The following CSMD3 variants were observed in gnomAD, a reference collection of about 807,000 sequenced individuals.
CSMD3 encodes CUB and sushi domain-containing protein 3.
CSMD3 carries 177 observed loss-of-function variants against 435.2 expected under a neutral mutation model. The ratio of observed to expected loss-of-function variants is 0.41; its 90% confidence interval spans 0.36 to 0.46. The LOEUF (loss-of-function observed/expected upper bound fraction) is 0.46. CSMD3 is among the 20% of genes least tolerant of loss of function. The pLI is 0.34. For synonymous variants in CSMD3, 1,656 were observed against 1,520.5 expected, an observed-to-expected ratio of 1.09 and a Z score of -2.07; for missense variants, 4,265 against 4,504.6, an observed-to-expected ratio of 0.95 and a Z score of 1.52.
At chr8:112,627,925 C>T (rs975024795) in intron 22 of CSMD3, among the ~76,000 whole-genome samples, 1 of 152,142 alleles carries the variant, frequency 6.6e-6, no homozygotes, top group Non-Finnish European at 1.5e-5. Context: ...AAAGGACTTA[C>T]AGGTATCAAG....
Position 112,326,968 on chromosome 8 carries a change from G to A in CSMD3, c.7166-6987C>T, listed in dbSNP as rs1432948271. On this transcript the variant is annotated intron_variant, in intron 45 of 70. Coordinates refer to ENST00000297405, the MANE Select transcript of CSMD3 (RefSeq NM_198123.2). ...ACTCAGGAGACAGAGGTTGCAGTCAGCTGAGCTTGTGCCGCTGCACTCCAG... is the reference window on the plus strand; with the variant it reads ...ACTCAGGAGACAGAGGTTGCAGTCAACTGAGCTTGTGCCGCTGCACTCCAG... Among the ~76,000 whole-genome samples, 3 of 152,258 alleles carry A rather than the reference G, an allele frequency of 2.0e-5. 1 individual carries two copies. In the South Asian group the frequency reaches 6.2e-4, roughly 32 times the overall value.
intron 27 of CSMD3, among the ~76,000 whole-genome samples, chr8:112,539,985 T>A (rs1248390373): frequency 6.6e-6 from 1 of 151,934 alleles, no homozygotes; most frequent in Non-Finnish European, 1.5e-5. Flanking sequence ...GGAGAAAATA[T>A]TTGCTAACTG....
In CSMD3 at chr8:112,791,319, G is replaced by GGAAAAAAAAAAAAA. The variant is rs56289713; in HGVS notation, c.1972+8842_1972+8843insTTTTTTTTTTTTTC. Among the ~76,000 whole-genome samples the GGAAAAAAAAAAAAA allele has an allele frequency of 1.1e-4, 11 of 103,182 alleles. 5 individuals are homozygous for GGAAAAAAAAAAAAA. The highest frequency in any genetic ancestry group is 2.3e-4 in the African/African-American group (6 of 25,788). The allele number at this position is 103,182 out of a possible 152,430, so 67.7% of individuals were successfully genotyped here. On this transcript the variant is annotated intron_variant, in intron 13 of 70. Transcript: ENST00000297405. The stretch of plus-strand genomic sequence containing the variant: ...CCTGGGTGACAGAGGCATATCCTGT[G>GGAAAAAAAAAAAAA]AAAAAAAAAAAAAAAAAAAAAGGAA...
At chr8:112,816,481 G>A (rs1056180679) in intron 12 of CSMD3, among the ~76,000 whole-genome samples, 2 of 151,818 alleles carry the variant, frequency 1.3e-5, no homozygotes, top group South Asian at 2.1e-4. Flanking sequence ...ATCACCTTTC[G>A]CCATATTTAG....
intron 32 of CSMD3, among the ~76,000 whole-genome samples, chr8:112,448,226 T>C (rs564355761): frequency 2.0e-5 from 3 of 152,300 alleles, no homozygotes; most frequent in African/African-American, 7.2e-5. Flanking sequence ...CATTGATGCC[T>C]CTTCCTCTTT....
chr8:112,931,921 C>A (rs921038238), intron 9 of CSMD3, among the ~76,000 whole-genome samples: 2 of 152,116 alleles, frequency 1.3e-5, no homozygotes, highest in Non-Finnish European at 2.9e-5. Context: ...GTTAGAAGGG[C>A]TATTACCATA....
At chr8:113,355,129 C>T (rs953491857) in intron 1 of CSMD3, among the ~76,000 whole-genome samples, 5 of 152,104 alleles carry the variant, frequency 3.3e-5, no homozygotes, top group Non-Finnish European at 7.4e-5. Flanking sequence ...CATATATGAA[C>T]TTATGTATTA....
chr8:112,714,186 T>C (rs2076673006), intron 13 of CSMD3, among the ~76,000 whole-genome samples: 1 of 151,488 alleles, frequency 6.6e-6, no homozygotes, highest in Non-Finnish European at 1.5e-5. Context: ...CCATCTTATG[T>C]GCACAGGCAC....
chr8:112,864,281 C>A (rs562832627), intron 10 of CSMD3, among the ~76,000 whole-genome samples: 26 of 152,048 alleles, frequency 1.7e-4, no homozygotes, highest in Middle Eastern at 3.4e-3. Context: ...CGGAGTCTCA[C>A]TCTGTTACCC....
intron 10 of CSMD3, among the ~76,000 whole-genome samples, chr8:112,912,301 G>A (rs966378423): frequency 1.3e-5 from 2 of 150,764 alleles, no homozygotes; most frequent in Admixed American, 6.6e-5. Flanking sequence ...TGGATCATAT[G>A]GTAATTCTAT....
At chr8:112,954,987 A>G (rs2083962337) in intron 7 of CSMD3, among the ~76,000 whole-genome samples, 1 of 151,620 alleles carries the variant, frequency 6.6e-6, no homozygotes, top group African/African-American at 2.4e-5. Flanking sequence ...AATCCTGCAT[A>G]TACATAGTTT....
At chr8:112,811,300 G>A (rs2079220498) in intron 12 of CSMD3, among the ~76,000 whole-genome samples, 1 of 151,936 alleles carries the variant, frequency 6.6e-6, no homozygotes, top group Non-Finnish European at 1.5e-5. Context: ...ATAAAGGTAA[G>A]AGAACTCCCC....
intron 3 of CSMD3, among the ~76,000 whole-genome samples, chr8:113,205,167 G>C (rs1195192581): frequency 1.3e-5 from 2 of 152,074 alleles, no homozygotes; most frequent in Non-Finnish European, 2.9e-5. Flanking sequence ...TATTTTAGTA[G>C]AGACGGGGTT....
chr8:112,946,772 C>A (rs574419629), intron 9 of CSMD3, among the ~76,000 whole-genome samples: 1 of 151,416 alleles, frequency 6.6e-6, no homozygotes, highest in Non-Finnish European at 1.5e-5. Context: ...AAGTTTCGAG[C>A]GTGGTTAAAG....
intron 5 of CSMD3, among the ~76,000 whole-genome samples, chr8:113,076,489 C>G (rs2089342034): frequency 2.0e-5 from 3 of 151,886 alleles, no homozygotes; most frequent in Non-Finnish European, 2.9e-5. Context: ...AAAATACAAA[C>G]TTTTATTTGA....
chr8:112,610,855 G>A (rs1259283666), intron 22 of CSMD3, among the ~76,000 whole-genome samples: 2 of 152,074 alleles, frequency 1.3e-5, no homozygotes, highest in African/African-American at 4.8e-5. Context: ...TGCAATGATG[G>A]CCTTCTCTTT....
intron 56 of CSMD3, among the ~76,000 whole-genome samples, chr8:112,290,537 T>G (rs1011002739): frequency 2.0e-5 from 3 of 151,954 alleles, no homozygotes; most frequent in Admixed American, 1.3e-4. Context: ...CTGAACTATA[T>G]GCATAGAATC....
chr8:112,886,507 A>G (rs1487269334), intron 10 of CSMD3, among the ~76,000 whole-genome samples: 1 of 151,454 alleles, frequency 6.6e-6, no homozygotes. Context: ...TGAAGTGTTC[A>G]ATGCTATAGT....
intron 45 of CSMD3, among the ~76,000 whole-genome samples, chr8:112,333,578 A>G (rs187074022): frequency 3.4e-4 from 52 of 152,258 alleles, no homozygotes; most frequent in African/African-American, 1.1e-3. Flanking sequence ...ATATATTCAT[A>G]TATGTGTATA....
Sources: gnomAD v4.1 joint callset for allele counts (sites outside exome capture counted in the v4.1 genomes callset) on GRCh38, gnomAD v4.1.1 for gene constraint, MANE v1.5 for transcripts, NCBI Gene and HGNC (gene_info 2026-07-23, HGNC 2026-07-21) for gene names.